Variants in IMMP2L observed in about 807,000 individuals in gnomAD.
IMMP2L encodes inner mitochondrial membrane peptidase subunit 2.
In IMMP2L, 18 loss-of-function variants were observed where a neutral mutation model predicts 19.3. That is an observed-to-expected ratio of 0.93 (90% CI 0.64 to 1.38). The LOEUF (loss-of-function observed/expected upper bound fraction) is 1.38. IMMP2L is among the 40% of genes most tolerant of loss of function. The probability of loss-of-function intolerance (pLI) is 0.00; values close to 1 mark genes in which losing one functional copy is unlikely to be tolerated. For missense variants in IMMP2L, 233 were observed against 218.2 expected (o/e 1.07, Z -0.43); for synonymous variants, 76 against 73.0 (o/e 1.04, Z -0.21).
intron 3 of IMMP2L, among the ~76,000 whole-genome samples, chr7:111,181,268 C>T (rs2129611076): frequency 6.6e-6 from 1 of 152,074 alleles, no homozygotes; most frequent in Non-Finnish European, 1.5e-5. Context: ...ATGTGACTTT[C>T]TAAAATAAGA....
intron 5 of IMMP2L, among the ~76,000 whole-genome samples, chr7:110,736,716 G>C (rs1301360435): frequency 6.6e-6 from 1 of 152,158 alleles, no homozygotes; most frequent in Non-Finnish European, 1.5e-5. Flanking sequence ...TTTGAAATGG[G>C]AACATCTATT....
chr7:111,491,329 T>C (rs1210944413), intron 2 of IMMP2L, among the ~76,000 whole-genome samples: 1 of 152,118 alleles, frequency 6.6e-6, no homozygotes, highest in Admixed American at 6.6e-5. Context: ...TCAAAAGTTA[T>C]ATGCAAATTT....
intron 2 of IMMP2L, among the ~76,000 whole-genome samples, chr7:111,488,179 A>AT (rs1459769125): frequency 1.3e-5 from 2 of 152,090 alleles, no homozygotes; most frequent in African/African-American, 4.8e-5. Flanking sequence ...TGTTTTTTAA[A>AT]TTTTTTTTCA....
intron 3 of IMMP2L, among the ~76,000 whole-genome samples, chr7:111,330,070 C>T (rs954853492): frequency 2.0e-5 from 3 of 151,420 alleles, no homozygotes; most frequent in Non-Finnish European, 4.4e-5. Context: ...TAAAAAACAA[C>T]CTTGAAATAA....
chr7:110,972,121 T>C (rs1820201826), intron 3 of IMMP2L, among the ~76,000 whole-genome samples: 1 of 151,946 alleles, frequency 6.6e-6, no homozygotes, highest in Non-Finnish European at 1.5e-5. Flanking sequence ...AGGTCAACTT[T>C]ATGCCCCCAA....
chr7:111,067,571 T>C lies in IMMP2L; in HGVS notation c.240-104006A>G, dbSNP rs565446358. On this transcript the variant is annotated intron_variant, in intron 3 of 5. Coordinates refer to ENST00000405709, the MANE Select transcript of IMMP2L (RefSeq NM_032549.4). ...TTGGAAAAGCACATTTGTAATTAGA[T>C]TAGTTCCTTTAAAAATAAATATTTC... Among the ~76,000 whole-genome samples, 11 of 152,356 alleles carry C rather than the reference T, an allele frequency of 7.2e-5. No homozygotes were observed. In the South Asian group the frequency reaches 2.3e-3, roughly 32 times the overall value.
At chr7:110,784,323 T>G (rs1299240265) in intron 5 of IMMP2L, among the ~76,000 whole-genome samples, 1 of 151,942 alleles carries the variant, frequency 6.6e-6, no homozygotes, top group Non-Finnish European at 1.5e-5. Context: ...TAAAAAATCA[T>G]GTAACGACTG....
chr7:110,767,922 T>C (rs979957456), intron 5 of IMMP2L, among the ~76,000 whole-genome samples: 1 of 152,172 alleles, frequency 6.6e-6, no homozygotes, highest in African/African-American at 2.4e-5. Context: ...AATCTGTTTA[T>C]CAGTGATTGA....
At chr7:110,874,287 A>G (rs1808842100) in intron 5 of IMMP2L, among the ~76,000 whole-genome samples, 1 of 152,084 alleles carries the variant, frequency 6.6e-6, no homozygotes. Flanking sequence ...GGATGGGAAT[A>G]ATATATCAAT....
At chr7:111,339,124 G>A (rs1826758277) in intron 3 of IMMP2L, among the ~76,000 whole-genome samples, 2 of 152,004 alleles carry the variant, frequency 1.3e-5, no homozygotes, top group Admixed American at 6.6e-5. Flanking sequence ...TCAGGAAACA[G>A]AAGCAACTGA....
At chr7:110,718,911 T>C (rs1795395966) in intron 5 of IMMP2L, among the ~76,000 whole-genome samples, 1 of 152,082 alleles carries the variant, frequency 6.6e-6, no homozygotes, top group Non-Finnish European at 1.5e-5. Context: ...CACACTGGAA[T>C]ACACAAATGA....
intron 4 of IMMP2L, among the ~76,000 whole-genome samples, chr7:110,927,067 T>A (rs776012575): frequency 1.3e-5 from 2 of 152,142 alleles, no homozygotes; most frequent in Non-Finnish European, 2.9e-5. Context: ...GGTTGGGATA[T>A]AAAAAACAAC....
intron 3 of IMMP2L, among the ~76,000 whole-genome samples, chr7:110,987,462 T>G (rs1158855547): frequency 6.6e-6 from 1 of 152,224 alleles, no homozygotes; most frequent in East Asian, 1.9e-4. Flanking sequence ...CAGTCAAGTA[T>G]GTCAAAGTTT....
chr7:110,699,349 A>G (rs1794099417), intron 5 of IMMP2L, among the ~76,000 whole-genome samples: 1 of 152,192 alleles, frequency 6.6e-6, no homozygotes, highest in Non-Finnish European at 1.5e-5. Flanking sequence ...CTAGGAAGTT[A>G]CTGGGCTTGC....
chr7:111,040,171 A>C (rs1791757924), intron 3 of IMMP2L, among the ~76,000 whole-genome samples: 1 of 152,280 alleles, frequency 6.6e-6, no homozygotes, highest in African/African-American at 2.4e-5. Context: ...CTCTGTCTCA[A>C]AAAAAAGGGT....
At chr7:110,848,325 C>G (rs983695675) in intron 5 of IMMP2L, among the ~76,000 whole-genome samples, 1 of 152,094 alleles carries the variant, frequency 6.6e-6, no homozygotes, top group African/African-American at 2.4e-5. Flanking sequence ...CATAATATAG[C>G]ATTTGGGAAT....
At chr7:110,945,575 C>T (rs1034763939) in intron 4 of IMMP2L, among the ~76,000 whole-genome samples, 5 of 151,902 alleles carry the variant, frequency 3.3e-5, no homozygotes, top group Admixed American at 6.6e-5. Context: ...CTTCCTTCTA[C>T]CAAAATGTAT....
At chr7:110,822,168 C>A (rs187935327) in intron 5 of IMMP2L, among the ~76,000 whole-genome samples, 4 of 152,218 alleles carry the variant, frequency 2.6e-5, no homozygotes, top group African/African-American at 9.6e-5. Flanking sequence ...TCAATGACAT[C>A]AACAATTACT....
At chr7:111,432,895 A>G (rs924091570) in intron 3 of IMMP2L, among the ~76,000 whole-genome samples, 1 of 151,418 alleles carries the variant, frequency 6.6e-6, no homozygotes, top group African/African-American at 2.4e-5. Flanking sequence ...GCATTTCTAT[A>G]CACCAGTAAC....
Sources: gnomAD v4.1 joint callset for allele counts (sites outside exome capture counted in the v4.1 genomes callset) on GRCh38, gnomAD v4.1.1 for gene constraint, MANE v1.5 for transcripts, NCBI Gene and HGNC (gene_info 2026-07-23, HGNC 2026-07-21) for gene names.